Variants in G6PD observed in about 807,000 individuals in gnomAD.
The protein encoded by G6PD is glucose-6-phosphate 1-dehydrogenase.
In G6PD, 2 loss-of-function variants were observed where a neutral mutation model predicts 38.2. The observed-to-expected ratio is 0.05, with a 90% CI of 0.02 to 0.16. G6PD has a LOEUF of 0.16. Ranked by LOEUF, G6PD falls within the 10% of genes least tolerant of loss-of-function variation. The pLI, the probability that G6PD is intolerant of heterozygous loss-of-function variation, is 1.00. For synonymous variants in G6PD, 188 were observed against 196.0 expected (o/e 0.96, Z 0.34); for missense variants, 310 against 471.6 (o/e 0.66, Z 3.17).
At position 154,536,125 on chromosome X, in the gene G6PD, G is replaced by A. The variant is rs374078772; in HGVS notation, c.158+16C>T. ...CCTGGCGGGAGGTCACAGGGGCAGT[G>A]GTGGGACACACTTACCAGATGGTGG... On this transcript the variant is annotated intron_variant, in intron 3 of 12. Transcript: ENST00000393562. The A allele has an allele frequency of 3.3e-5, 40 of 1,211,020 alleles. No individual in the cohort carries two copies. The South Asian group carries it at 6.7e-4, about 20-fold the overall frequency.
At chrX:154,533,540 A>G in intron 8 of G6PD, 36 bp downstream of exon 8, 1 of 1,204,064 alleles carries the variant, frequency 8.3e-7, no homozygotes, top group East Asian at 3.0e-5. Context: ...GGCCTGCGAC[A>G]GGGCATGCTC....
At chrX:154,534,698 T>C (rs958408702) in intron 5 of G6PD, among the ~76,000 whole-genome samples, 1 of 110,637 alleles carries the variant, frequency 9.0e-6, no homozygotes, top group Non-Finnish European at 1.9e-5. Context: ...GGTGCCAGGG[T>C]GGCATTGCTG....
chrX:154,547,417 G>A (rs1183845221), upstream of G6PD: 71 of 754,435 alleles, frequency 9.4e-5, no homozygotes, highest in Non-Finnish European at 1.1e-4. Flanking sequence ...AGAGACGAGG[G>A]GGCGTGTAGG....
intron 2 of G6PD, chrX:154,541,088 T>C (rs1157006440): frequency 9.0e-6 from 1 of 111,588 alleles, no homozygotes; most frequent in African/African-American, 3.3e-5. Context: ...GGGAACTAAC[T>C]GGACCCTGAA....
chrX:154,539,430 T>C (rs1242682027), intron 2 of G6PD, among the ~76,000 whole-genome samples: 2 of 111,734 alleles, frequency 1.8e-5, no homozygotes, highest in Non-Finnish European at 3.8e-5. Context: ...CCCAGGAACT[T>C]TCTGGGGAGA....
chrX:154,547,566 GT>G (rs1286423228), upstream of G6PD: 1 of 754,103 alleles, frequency 1.3e-6, no homozygotes, highest in Non-Finnish European at 1.6e-6. Flanking sequence ...GGCTTCCCGA[GT>G]TCTCGGGGGC....
chrX:154,546,894 G>C, upstream of G6PD: 1 of 952,339 alleles, frequency 1.1e-6, no homozygotes, highest in Non-Finnish European at 1.4e-6. Flanking sequence ...GCGGGGGCGG[G>C]CGCCTGGGCT....
chrX:154,536,331 G>A (rs1243224423), intron 2 of G6PD, among the ~76,000 whole-genome samples, 153 bp from the exon 3 acceptor site: 1 of 111,549 alleles, frequency 9.0e-6, no homozygotes, highest in Non-Finnish European at 1.9e-5. Flanking sequence ...GAAGAGCCCC[G>A]AGATTCAAGC....
rs2148328821 is a variant in G6PD, at chrX:154,532,651, G to A, written c.1203C>T (p.Tyr401=). 5 of 1,212,417 alleles carry A rather than the reference G, an allele frequency of 4.1e-6. No individual in the cohort carries two copies. The highest frequency in any genetic ancestry group is 5.6e-6 in the Non-Finnish European group (5 of 895,653). Residue 401 remains tyrosine (Y), a synonymous_variant, in exon 10 of 13, where the codon TAC becomes TAT. Coordinates refer to ENST00000393562, the MANE Select transcript of G6PD (RefSeq NM_001360016.2). ...VIRVQPNEAV[Y]TKMMTKKPGM... ...CCGGCTTCTTGGTCATCATCTTGGT[G>A]TACACGGCCTCGTTGGGCTGCACGC...
intron 8 of G6PD, 91 bp from the exon 9 acceptor site, chrX:154,533,219 C>A (rs1188494391): frequency 2.1e-5 from 21 of 1,010,133 alleles, no homozygotes; most frequent in African/African-American, 5.6e-5. Context: ...GCCCTCAGGG[C>A]AGGAGGAGGC....
rs2070333693 is a variant in G6PD at position 154,531,441 on chromosome X, C to A, written c.*559G>T. On this transcript the variant is annotated 3_prime_UTR_variant, in exon 13 of 13. Coordinates refer to ENST00000393562, the MANE Select transcript of G6PD (RefSeq NM_001360016.2). Reference sequence around the variant, plus strand: ...GCATTGAGGTTGGGAGGGGTCCCAGCTGCTGCGTCTGCTTTTCTTATAGCA... The same window carrying A: ...GCATTGAGGTTGGGAGGGGTCCCAGATGCTGCGTCTGCTTTTCTTATAGCA... 1 of 122,366 alleles carries A rather than the reference C, an allele frequency of 8.2e-6. No individual in the cohort carries two copies. The highest frequency in any genetic ancestry group is 1.7e-5 in the Non-Finnish European group (1 of 58,993). The allele number at this position is 122,366 out of a possible 1,213,427, so 10.1% of individuals were successfully genotyped here.
chrX:154,546,160 C>T lies in G6PD; in HGVS notation c.-5G>A. 8.3e-7 allele frequency: 1 copy of T among 1,211,744 alleles called. No individual in the cohort carries two copies. Among genetic ancestry groups the T allele is most frequent in the Non-Finnish European group, 1.1e-6 (1 of 895,599 alleles). On this transcript the variant is annotated 5_prime_UTR_variant, in exon 2 of 13. Coordinates refer to ENST00000393562, the MANE Select transcript of G6PD (RefSeq NM_001360016.2). ...CAGGGCCACCTGCTCTGCCATGACGCTGTCTGGTGGAAGAAAGGCTCGTTA... is the reference window on the plus strand; with the variant it reads ...CAGGGCCACCTGCTCTGCCATGACGTTGTCTGGTGGAAGAAAGGCTCGTTA...
chrX:154,532,169 G>C lies in G6PD; in HGVS notation c.1457+19C>G, dbSNP rs1557229460. On this transcript the variant is annotated intron_variant, in intron 12 of 12. Coordinates refer to ENST00000393562, the MANE Select transcript of G6PD (RefSeq NM_001360016.2). ...CCCTGCCCGCTGGGCTCTGTCCCCA[G>C]CCCCCACCCTTTCCTCACCTGCCAT... 8.4e-7 allele frequency: 1 copy of C among 1,188,893 alleles called. No individual in the cohort carries two copies.
intron 2 of G6PD, chrX:154,542,397 G>T: frequency 8.3e-7 from 1 of 1,205,950 alleles, no homozygotes; most frequent in Non-Finnish European, 1.1e-6. Context: ...GGTGGGGAAA[G>T]ATGCTGTTCC....
intron 2 of G6PD, among the ~76,000 whole-genome samples, chrX:154,539,722 T>C (rs990373537): frequency 6.4e-4 from 71 of 110,502 alleles, no homozygotes; most frequent in African/African-American, 2.2e-3. Flanking sequence ...CTTCATGACA[T>C]GTATTTCTTT....
intron 4 of G6PD, chrX:154,535,683 T>C (rs959636820): frequency 4.9e-5 from 22 of 449,122 alleles, no homozygotes; most frequent in East Asian, 1.1e-4. Context: ...TGGAGAAAGC[T>C]CTCTCTCCAA....
At chrX:154,542,171 A>T in intron 2 of G6PD, 1 of 567,094 alleles carries the variant, frequency 1.8e-6, no homozygotes, top group Non-Finnish European at 2.9e-6. Flanking sequence ...AAGTCAGCCC[A>T]GAAATGTTCT....
At chrX:154,541,611 T>G (rs190165081) in intron 2 of G6PD, among the ~76,000 whole-genome samples, 1 of 111,544 alleles carries the variant, frequency 9.0e-6, no homozygotes, top group African/African-American at 3.3e-5. Context: ...TCGTGCCATG[T>G]GGGTGGGGGC....
intron 7 of G6PD, 136 bp downstream of exon 7, chrX:154,533,899 G>A (rs2070373140): frequency 2.5e-6 from 3 of 1,199,693 alleles, no homozygotes; most frequent in Non-Finnish European, 3.4e-6. Flanking sequence ...TTCCAGCCCG[G>A]TCTGATAGCT....
Sources: gnomAD v4.1 joint callset for allele counts (sites outside exome capture counted in the v4.1 genomes callset) on GRCh38, gnomAD v4.1.1 for gene constraint, MANE v1.5 for transcripts, NCBI Gene and HGNC (gene_info 2026-07-23, HGNC 2026-07-21) for gene names.